Variants in PLXNB1 observed in about 807,000 individuals in gnomAD.
PLXNB1 encodes plexin B1, also known as plexin-B1.
Under a neutral mutation model 209.4 loss-of-function variants are expected in PLXNB1, and 106 were observed. That is an observed-to-expected ratio of 0.51 (90% CI 0.43 to 0.59). The LOEUF (loss-of-function observed/expected upper bound fraction) is 0.59, where lower values mean the gene tolerates loss of function less well. Ranked by LOEUF, PLXNB1 falls within the 20% of genes least tolerant of loss-of-function variation. The pLI, the probability that PLXNB1 is intolerant of heterozygous loss-of-function variation, is 0.00. For missense variants in PLXNB1, 2,357 were observed against 2,853.2 expected, an observed-to-expected ratio of 0.83 and a Z score of 3.96; for synonymous variants, 1,167 against 1,183.2, an observed-to-expected ratio of 0.99 and a Z score of 0.28.
At chr3:48,421,910 G>T in intron 6 of PLXNB1, 104 bp from the exon 7 acceptor site, 3 of 1,492,204 alleles carry the variant, frequency 2.0e-6, no homozygotes, top group African/African-American at 1.4e-5. Flanking sequence ...GCCCTAGAGT[G>T]GGCATGATAG....
Position 48,418,565 on chromosome 3 carries a change from A to G in PLXNB1, c.2956-23T>C, listed in dbSNP as rs112400223. 3.9e-4 allele frequency: 609 copies of G among 1,561,364 alleles called. 4 individuals carry two copies. The African/African-American group carries it at 7.2e-3, about 19-fold the overall frequency. ...GAGCTGGAGAAATGGGAGTGGGTTC[A>G]GAGTCAAGCACTGGGGGAAGTGTCA... On this transcript the variant is annotated intron_variant, in intron 13 of 37. Coordinates refer to ENST00000296440, the MANE Select transcript of PLXNB1 (RefSeq NM_001130082.3). This position sits in a 1 kb window ranked among gnomAD's most constrained non-coding sequence, Gnocchi z 6.6.
At chr3:48,421,522 A>C in intron 7 of PLXNB1, 138 bp from the exon 8 acceptor site, 1 of 1,214,004 alleles carries the variant, frequency 8.2e-7, no homozygotes, top group Non-Finnish European at 1.1e-6. Context: ...GGCCTGAGTT[A>C]GAAATAGATG....
At chr3:48,421,108 T>C (rs2038486948) in intron 8 of PLXNB1, 120 bp downstream of exon 8, 27 of 1,345,770 alleles carry the variant, frequency 2.0e-5, no homozygotes, top group Non-Finnish European at 2.7e-5. Context: ...GGTTGGGGAG[T>C]GGGAGGACCC....
At chr3:48,426,618 G>T (rs550678981) in intron 1 of PLXNB1, among the ~76,000 whole-genome samples, 1 of 152,214 alleles carries the variant, frequency 6.6e-6, no homozygotes, top group Non-Finnish European at 1.5e-5. Context: ...GGTGGAAGCC[G>T]GGACACTGTG....
rs2038286002 is a variant in PLXNB1, at chr3:48,418,840, G to A, written c.2955+77C>T. On this transcript the variant is annotated intron_variant, in intron 13 of 37. Coordinates refer to ENST00000296440, the MANE Select transcript of PLXNB1 (RefSeq NM_001130082.3). This position sits in a 1 kb window ranked among gnomAD's most constrained non-coding sequence, Gnocchi z 6.6. ...AGAGCGTGGCTCTGGAAAGTGTGGT[G>A]CAGCCAGCTACAGTTGGCAGCCAGC... 6.4e-7 allele frequency: 1 copy of A among 1,570,856 alleles called. No individual in the cohort carries two copies. The highest frequency in any genetic ancestry group is 8.7e-7 in the Non-Finnish European group (1 of 1,148,018).
Position 48,411,737 on chromosome 3 carries a change from G to T in PLXNB1, c.5247+126C>A. The T allele has an allele frequency of 8.8e-7, 1 of 1,135,612 alleles. No homozygotes were observed. The highest frequency in any genetic ancestry group is 1.3e-6 in the Non-Finnish European group (1 of 789,228). The allele number at this position is 1,135,612 out of a possible 1,614,324, so 70.3% of individuals were successfully genotyped here. A position where few individuals can be genotyped will look rare whatever the true frequency, so the allele number is the denominator to read the frequency against. On this transcript the variant is annotated intron_variant, in intron 28 of 37. Transcript: ENST00000296440. The surrounding 1 kb of genome is among the most constrained non-coding windows in gnomAD (Gnocchi z 4.0). Reference sequence around the variant, plus strand: ...GGGCTCTCTCCAGGAGCCAGCCAGAGGTCAACCCAGCTCTACATCCAGGTA... The same window carrying T: ...GGGCTCTCTCCAGGAGCCAGCCAGATGTCAACCCAGCTCTACATCCAGGTA...
chr3:48,415,330 C>G lies in PLXNB1; in HGVS notation c.3812G>C (p.Cys1271Ser). Residue 1271 changes from cysteine (C) to serine (S), a missense_variant, in exon 20 of 38, where the codon TGC (cysteine) becomes TCC (serine). Physicochemically the swap from Cys to Ser is moderately radical, Grantham distance 112 (BLOSUM62 -1). Around this residue, in one of 7 missense-constraint regions of PLXNB1, gnomAD observed 743 missense variants for 896.2 expected, o/e 0.83. Coordinates refer to ENST00000296440, the MANE Select transcript of PLXNB1 (RefSeq NM_001130082.3). This position sits in a 1 kb window ranked among gnomAD's most constrained non-coding sequence, Gnocchi z 5.0. The part of the protein sequence containing the change: ...KSFLSGGREI[C>S]VRGQNLDVVQ... ...CACGTCCAGATTCTGGCCACGGACG[C>G]ATATCTCACGTCCTCCACTGAAACA... 1 of 1,613,444 alleles carries G rather than the reference C, an allele frequency of 6.2e-7. No homozygotes were observed. Among genetic ancestry groups the G allele is most frequent in the Non-Finnish European group, 8.5e-7 (1 of 1,179,922 alleles).
chr3:48,405,817 G>A lies in PLXNB1; in HGVS notation c.6229-19C>T. 6.2e-7 allele frequency: 1 copy of A among 1,607,682 alleles called. No individual in the cohort carries two copies. ...AGTAGTTCTAGGGAAGAGGCCAAAT[G>A]AAAGGTGAGAGAGACGAGGGGTGCA... is the stretch of plus-strand genomic sequence containing the variant. On this transcript the variant is annotated intron_variant, in intron 36 of 37. Coordinates refer to ENST00000296440, the MANE Select transcript of PLXNB1 (RefSeq NM_001130082.3). The surrounding 1 kb of genome is among the most constrained non-coding windows in gnomAD (Gnocchi z 5.0).
rs775797459 is a variant in PLXNB1, at chr3:48,413,008, G to C, written c.4637-49C>G. On this transcript the variant is annotated intron_variant, in intron 24 of 37. Transcript: ENST00000296440. The surrounding 1 kb of genome is among the most constrained non-coding windows in gnomAD (Gnocchi z 5.4). ...TAAGCACCTGTTAAGCACCAATCCC[G>C]TGTGATGGGAGTGGGTTTGGGCAGA... The C allele has an allele frequency of 6.2e-7, 1 of 1,602,400 alleles. No homozygotes were observed. The highest frequency in any genetic ancestry group is 8.6e-7 in the Non-Finnish European group (1 of 1,169,292).
In PLXNB1 at chr3:48,416,363, G is replaced by A. The variant is rs755249183; in HGVS notation, c.3463C>T (p.His1155Tyr). Residue 1155 changes from histidine to tyrosine, a missense_variant, in exon 17 of 38, where the codon CAC becomes TAC. This residue lies in a region of PLXNB1 where 743 missense variants were observed against 896.2 expected (regional missense o/e 0.83). Coordinates refer to ENST00000296440, the MANE Select transcript of PLXNB1 (RefSeq NM_001130082.3). The surrounding 1 kb of genome is among the most constrained non-coding windows in gnomAD (Gnocchi z 4.1). ...TCAGGTACCTGGTAGGCAAAGTCGT[G>A]TTCTGAGACACCACGTCCTCTTCCC... ...VPGRGRGVSE[H>Y]DFAYQDPKVH... is the part of the protein sequence containing the mutation. 6.2e-7 allele frequency: 1 copy of A among 1,612,418 alleles called. No homozygotes were observed. Among genetic ancestry groups the A allele is most frequent in the Non-Finnish European group, 8.5e-7 (1 of 1,179,408 alleles).
rs761458548 is a variant in PLXNB1, at chr3:48,410,565, G to A, written c.5417-7C>T. Reference sequence around the variant, plus strand: ...GCCACCCCAGACCGCCACTCTGCAAGGGCAAGGCAGAACTGGGTGCAGGGC... The same window carrying A: ...GCCACCCCAGACCGCCACTCTGCAAAGGCAAGGCAGAACTGGGTGCAGGGC... On this transcript the variant is annotated splice_region_variant and splice_polypyrimidine_tract_variant and intron_variant, in intron 29 of 37. Transcript: ENST00000296440. This position sits in a 1 kb window ranked among gnomAD's most constrained non-coding sequence, Gnocchi z 6.4. 2 of 1,610,414 alleles carry A rather than the reference G, an allele frequency of 1.2e-6. No homozygotes were observed. Among genetic ancestry groups the A allele is most frequent in the East Asian group, 2.2e-5 (1 of 44,870 alleles).
chr3:48,424,252 T>C lies in PLXNB1; in HGVS notation c.360A>G (p.Glu120=), dbSNP rs1436164291. Residue 120 remains glutamate (E), a synonymous_variant, in exon 3 of 38, where the codon GAA becomes GAG. Coordinates refer to ENST00000296440, the MANE Select transcript of PLXNB1 (RefSeq NM_001130082.3). ...VCGSVHQGVC[E]QRRLGQLEQL... ...GCTCGAGCTGCCCCAGGCGCCGCTG[T>C]TCACAGACCCCCTGGTGCACGCTCC... is the stretch of plus-strand genomic sequence containing the variant. 1.9e-6 allele frequency: 3 copies of C among 1,602,012 alleles called. No individual in the cohort carries two copies. The highest frequency in any genetic ancestry group is 2.6e-6 in the Non-Finnish European group (3 of 1,174,632).
chr3:48,414,942 T>A lies in PLXNB1; in HGVS notation c.4066A>T (p.Ile1356Phe). 1 of 1,613,936 alleles carries A rather than the reference T, an allele frequency of 6.2e-7. No homozygotes were observed. The highest frequency in any genetic ancestry group is 8.5e-7 in the Non-Finnish European group (1 of 1,180,034). ...AAGTCAAAGACCAGGTTGTCAAGGA[T>A]AAATTCCACCCGGACCCAGGGGTCC... ...PEDPWVRVEF[I>F]LDNLVFDFAT... The change falls in exon 21 of 38, where the codon ATC (isoleucine) becomes TTC (phenylalanine). Residue 1356 changes from isoleucine to phenylalanine, a missense_variant. Transcript: ENST00000296440.
Position 48,415,479 on chromosome 3 carries a change from T to C in PLXNB1, c.3794+104A>G, listed in dbSNP as rs2038022647. On this transcript the variant is annotated intron_variant, in intron 19 of 37. Coordinates refer to ENST00000296440, the MANE Select transcript of PLXNB1 (RefSeq NM_001130082.3). The surrounding 1 kb of genome is among the most constrained non-coding windows in gnomAD (Gnocchi z 5.0). ...CGACCCCTTGCCCCTACTAGCAGCA[T>C]GGGATTCTCAGTGCCTCAACATAAA... 7.2e-7 allele frequency: 1 copy of C among 1,389,116 alleles called. No homozygotes were observed. Among genetic ancestry groups the C allele is most frequent in the African/African-American group, 1.4e-5 (1 of 69,828 alleles). 86.0% of individuals were successfully genotyped at this position (1,389,116 alleles called of 1,614,324 possible). A position where few individuals can be genotyped will look rare whatever the true frequency, so the allele number is the denominator to read the frequency against.
chr3:48,415,928 C>A lies in PLXNB1; in HGVS notation c.3617+103G>T. ...AGGGTCTGGCCACTCTCTGAAGGAG[C>A]AGACTGGCCCTCTTCCCCTTTCTGC... On this transcript the variant is annotated intron_variant, in intron 18 of 37. Transcript: ENST00000296440. This position sits in a 1 kb window ranked among gnomAD's most constrained non-coding sequence, Gnocchi z 5.0. The A allele has an allele frequency of 7.1e-7, 1 of 1,406,896 alleles. No homozygotes were observed. Among genetic ancestry groups the A allele is most frequent in the Non-Finnish European group, 9.6e-7 (1 of 1,036,602 alleles). The allele number at this position is 1,406,896 out of a possible 1,614,324, so 87.2% of individuals were successfully genotyped here.
intron 2 of PLXNB1, 31 bp from the exon 3 acceptor site, chr3:48,424,648 C>T (rs1207445752): frequency 6.6e-7 from 1 of 1,525,494 alleles, no homozygotes; most frequent in Non-Finnish European, 8.8e-7. Flanking sequence ...GAGAGTGGGG[C>T]TCACGTGGCC....
At chr3:48,421,177 C>T (rs549206692) in intron 8 of PLXNB1, 51 bp downstream of exon 8, 1 of 1,582,268 alleles carries the variant, frequency 6.3e-7, no homozygotes, top group African/African-American at 1.4e-5. Flanking sequence ...CCCACCGCAT[C>T]CCCTGAAGCA....
In PLXNB1 at chr3:48,410,330, C is replaced by T; in HGVS notation, c.5571G>A (p.Val1857=). The T allele has an allele frequency of 6.2e-7, 1 of 1,613,176 alleles. No individual in the cohort carries two copies. Among genetic ancestry groups the T allele is most frequent in the Non-Finnish European group, 8.5e-7 (1 of 1,179,432 alleles). ...VALVPCLTKH[V]LRENQDYVPG... ...GGACATAATCCTGGTTTTCCCGGAG[C>T]ACATGCTTGGTGAGGCAGGGGACGA... is the stretch of plus-strand genomic sequence containing the variant. The change falls in exon 31 of 38, where the codon GTG becomes GTA. Residue 1857 remains valine (V), a synonymous_variant. Coordinates refer to ENST00000296440, the MANE Select transcript of PLXNB1 (RefSeq NM_001130082.3). The surrounding 1 kb of genome is among the most constrained non-coding windows in gnomAD (Gnocchi z 6.4).
Position 48,413,189 on chromosome 3 carries a change from G to C in PLXNB1, c.4536-20C>G, listed in dbSNP as rs2037816366. On this transcript the variant is annotated intron_variant, in intron 23 of 37. Transcript: ENST00000296440. This position sits in a 1 kb window ranked among gnomAD's most constrained non-coding sequence, Gnocchi z 5.4. The stretch of plus-strand genomic sequence containing the variant: ...TTCCTCCTGCTCAGCCCCAGGGTCA[G>C]GAGAGGATGGCCAGATGAGTCCTAC... 2.5e-6 allele frequency: 4 copies of C among 1,591,128 alleles called. No individual in the cohort carries two copies. The highest frequency in any genetic ancestry group is 3.4e-6 in the Non-Finnish European group (4 of 1,164,794).
Sources: gnomAD v4.1 joint callset for allele counts (sites outside exome capture counted in the v4.1 genomes callset) on GRCh38, gnomAD v4.1.1 for gene constraint, gnomAD v4.1.1 regional missense constraint, Gnocchi (gnomAD v3.1) non-coding constraint, MANE v1.5 for transcripts, NCBI Gene and HGNC (gene_info 2026-07-23, HGNC 2026-07-21) for gene names.